The following FAM193A variants were observed in gnomAD, a reference collection of about 807,000 sequenced individuals.
FAM193A encodes the protein family with sequence similarity 193 member A.
A neutral mutation model predicts 126.5 loss-of-function variants in FAM193A; 22 were observed. That is an observed-to-expected ratio of 0.17 (90% CI 0.12 to 0.25). The LOEUF is 0.25. Ranked by LOEUF, FAM193A falls within the 10% of genes least tolerant of loss-of-function variation. The pLI, the probability that FAM193A is intolerant of heterozygous loss-of-function variation, is 1.00. For synonymous variants in FAM193A, 761 were observed against 646.8 expected (o/e 1.18, Z -2.68); for missense variants, 1,675 against 1,672.8 (o/e 1.00, Z -0.02).
At position 2,672,215 on chromosome 4, in the gene FAM193A, C is replaced by G; in HGVS notation, c.2174C>G (p.Pro725Arg). Residue 725 changes from proline (P) to arginine (R), a missense_variant, in exon 13 of 21, where the codon CCT becomes CGT. Physicochemically the swap from Pro to Arg is moderately radical, Grantham distance 103 (BLOSUM62 -2). This residue lies in a region of FAM193A where 1,186 missense variants were observed against 1,109.2 expected (regional missense o/e 1.07). Transcript: ENST00000637812. ...PSAMTAGALP[P>R]GHQFLSPEKP... Reference sequence around the variant, plus strand: ...GCAATGACAGCCGGAGCCCTTCCTCCTGGCCATCAGTTCTTGAGCCCAGAG... The same window carrying G: ...GCAATGACAGCCGGAGCCCTTCCTCGTGGCCATCAGTTCTTGAGCCCAGAG... 3 of 1,614,242 alleles carry G rather than the reference C, an allele frequency of 1.9e-6. No homozygotes were observed. Among genetic ancestry groups the G allele is most frequent in the Non-Finnish European group, 2.5e-6 (3 of 1,180,046 alleles).
Position 2,577,411 on chromosome 4 carries a change from G to GTTTTTTTTTTTTTTTTTTTTTTTTTTT in FAM193A, c.256-18663_256-18662insTTTTTTTTTTTTTTTTTTTTTTTTTTT, listed in dbSNP as rs67407606. ...ACAATCTATTCACTCAATTAAAGTGGTTTTTTTTTTGTTTTTTTTTTTTTT... is the reference window on the plus strand; with the variant it reads ...ACAATCTATTCACTCAATTAAAGTGGTTTTTTTTTTTTTTTTTTTTTTTTTTTTTTTTTTTTTGTTTTTTTTTTTTTT... On this transcript the variant is annotated intron_variant, in intron 1 of 20. Coordinates refer to ENST00000637812, the MANE Select transcript of FAM193A (RefSeq NM_001366318.2). Among the ~76,000 whole-genome samples the GTTTTTTTTTTTTTTTTTTTTTTTTTTT allele has an allele frequency of 2.0e-5, 2 of 101,860 alleles. 1 individual carries two copies. The highest frequency in any genetic ancestry group is 7.1e-5 in the African/African-American group (2 of 28,210). 66.8% of individuals were successfully genotyped at this position (101,860 alleles called of 152,430 possible).
At chr4:2,669,679 G>A (rs1023334126) in intron 12 of FAM193A, among the ~76,000 whole-genome samples, 7 of 152,208 alleles carry the variant, frequency 4.6e-5, no homozygotes, top group Non-Finnish European at 1.0e-4. Context: ...GCAAAGTTGA[G>A]TGAGAGCTAC....
At chr4:2,579,596 G>C (rs1197473882) in intron 1 of FAM193A, among the ~76,000 whole-genome samples, 1 of 152,080 alleles carries the variant, frequency 6.6e-6, no homozygotes, top group Non-Finnish European at 1.5e-5. Context: ...TTACTCGGGA[G>C]GCTGAGGTGG....
At chr4:2,675,464 G>T (rs185917234) in intron 13 of FAM193A, among the ~76,000 whole-genome samples, 1 of 152,112 alleles carries the variant, frequency 6.6e-6, no homozygotes, top group Non-Finnish European at 1.5e-5. Context: ...TTGTTACGTC[G>T]TCTTGGAGAA....
At chr4:2,559,963 T>C (rs751278704) in intron 1 of FAM193A, among the ~76,000 whole-genome samples, 1 of 150,022 alleles carries the variant, frequency 6.7e-6, no homozygotes, top group South Asian at 2.1e-4. Flanking sequence ...TTTTCTTTTT[T>C]CCTTTTTTTT....
chr4:2,584,798 G>T (rs577603173), intron 1 of FAM193A, among the ~76,000 whole-genome samples: 1 of 152,016 alleles, frequency 6.6e-6, no homozygotes, highest in East Asian at 1.9e-4. Context: ...GGTGGTGTGT[G>T]CCTGTAGTCC....
At chr4:2,721,521 T>G (rs1720156767) in intron 20 of FAM193A, among the ~76,000 whole-genome samples, 4 of 152,054 alleles carry the variant, frequency 2.6e-5, no homozygotes, top group Admixed American at 2.6e-4. Flanking sequence ...CCATTAGGAT[T>G]ACACAGCAAG....
At chr4:2,647,080 C>A (rs576628706) in intron 7 of FAM193A, among the ~76,000 whole-genome samples, 1 of 152,196 alleles carries the variant, frequency 6.6e-6, no homozygotes, top group Non-Finnish European at 1.5e-5. Flanking sequence ...GTCAAGTTTT[C>A]CTTGGCCTGG....
chr4:2,698,152 G>T (rs1338958476), intron 18 of FAM193A, among the ~76,000 whole-genome samples: 1 of 152,264 alleles, frequency 6.6e-6, no homozygotes, highest in African/African-American at 2.4e-5. Context: ...TGAAGGGACA[G>T]CAATAGTTGA....
chr4:2,582,433 G>A (rs1739998429), intron 1 of FAM193A, among the ~76,000 whole-genome samples: 2 of 152,134 alleles, frequency 1.3e-5, no homozygotes, highest in Middle Eastern at 3.4e-3. Flanking sequence ...CATCGTACTT[G>A]GTCAGTGTTT....
chr4:2,710,268 G>A (rs1484969863), intron 19 of FAM193A, among the ~76,000 whole-genome samples: 4 of 140,782 alleles, frequency 2.8e-5, no homozygotes, highest in East Asian at 2.3e-4. Context: ...TCCACCTCCC[G>A]GGTTCAAGCT....
At chr4:2,663,433 C>T in intron 12 of FAM193A, 145 bp downstream of exon 12, 1 of 609,302 alleles carries the variant, frequency 1.6e-6, no homozygotes, top group South Asian at 3.7e-5. Context: ...TACTTACAAT[C>T]TCCATTTGAA....
chr4:2,709,902 T>C (rs1327629288), intron 19 of FAM193A, among the ~76,000 whole-genome samples: 3 of 152,214 alleles, frequency 2.0e-5, no homozygotes. Flanking sequence ...ATTCTATCTC[T>C]AGTGAGGTTA....
intron 2 of FAM193A, among the ~76,000 whole-genome samples, chr4:2,598,675 G>C (rs1309213172): frequency 6.6e-6 from 1 of 152,180 alleles, no homozygotes; most frequent in Non-Finnish European, 1.5e-5. Context: ...TGTTCTGTTT[G>C]GTCAAATGCC....
chr4:2,650,857 C>T (rs773242307), intron 7 of FAM193A, among the ~76,000 whole-genome samples: 20 of 152,228 alleles, frequency 1.3e-4, no homozygotes, highest in African/African-American at 4.1e-4. Context: ...ACTCTAATGG[C>T]AGCAACGGTA....
intron 13 of FAM193A, among the ~76,000 whole-genome samples, chr4:2,676,458 A>G (rs760141959): frequency 6.6e-6 from 1 of 152,086 alleles, no homozygotes; most frequent in African/African-American, 2.4e-5. Context: ...GACTATTCGT[A>G]TATCTTCTTT....
At chr4:2,631,341 T>C (rs1434792675) in intron 5 of FAM193A, among the ~76,000 whole-genome samples, 172 bp downstream of exon 5, 2 of 152,098 alleles carry the variant, frequency 1.3e-5, no homozygotes, top group Non-Finnish European at 2.9e-5. Context: ...TTGTCTTTCC[T>C]CTGGACTTTG....
At chr4:2,649,339 C>T (rs1415178264) in intron 7 of FAM193A, among the ~76,000 whole-genome samples, 2 of 143,336 alleles carry the variant, frequency 1.4e-5, no homozygotes, top group African/African-American at 5.3e-5. Context: ...GGTGCCACTG[C>T]ACTGCAGCCT....
chr4:2,613,759 T>C (rs1184462924), intron 2 of FAM193A, among the ~76,000 whole-genome samples: 1 of 114,678 alleles, frequency 8.7e-6, no homozygotes, highest in Non-Finnish European at 1.7e-5. Flanking sequence ...TGGCCTTTTT[T>C]TTTTTTTTCT....
Sources: gnomAD v4.1 joint callset for allele counts (sites outside exome capture counted in the v4.1 genomes callset) on GRCh38, gnomAD v4.1.1 for gene constraint, gnomAD v4.1.1 regional missense constraint, MANE v1.5 for transcripts, NCBI Gene and HGNC (gene_info 2026-07-23, HGNC 2026-07-21) for gene names.